The following PHF14 variants were observed in gnomAD, a reference collection of about 807,000 sequenced individuals.
PHF14 encodes PHD finger protein 14.
A neutral mutation model predicts 117.9 loss-of-function variants in PHF14; 55 were observed. That is an observed-to-expected ratio of 0.47 (90% CI 0.38 to 0.58). PHF14 has a LOEUF of 0.58. PHF14 is among the 20% of genes least tolerant of loss of function. The pLI is 0.00. For missense variants in PHF14, 978 were observed against 1,122.2 expected, an observed-to-expected ratio of 0.87 and a Z score of 1.84; for synonymous variants, 409 against 368.6, an observed-to-expected ratio of 1.11 and a Z score of -1.26.
intron 4 of PHF14, among the ~76,000 whole-genome samples, chr7:11,010,386 G>T (rs1482754540): frequency 2.6e-5 from 4 of 151,940 alleles, no homozygotes; most frequent in African/African-American, 4.8e-5. Context: ...TGACATTAAA[G>T]AAATTAATGA....
chr7:11,063,260 A>G (rs902885085), intron 16 of PHF14: 1 of 984,810 alleles, frequency 1.0e-6, no homozygotes, highest in African/African-American at 1.7e-5. Context: ...AGCTATCCTG[A>G]AGGTTAAGTT....
intron 17 of PHF14, among the ~76,000 whole-genome samples, chr7:11,156,663 C>G (rs1788864594): frequency 6.6e-6 from 1 of 152,046 alleles, no homozygotes; most frequent in South Asian, 2.1e-4. Flanking sequence ...GGTGTAGTGG[C>G]AGGCGCCTGT....
chr7:11,052,260 A>G (rs1199305349), intron 14 of PHF14, among the ~76,000 whole-genome samples: 1 of 152,208 alleles, frequency 6.6e-6, no homozygotes. Flanking sequence ...TGGTAATTTG[A>G]TATTTTGACC....
intron 7 of PHF14, among the ~76,000 whole-genome samples, chr7:11,033,020 G>A (rs958577905): frequency 3.3e-5 from 5 of 152,176 alleles, no homozygotes; most frequent in Non-Finnish European, 7.3e-5. Flanking sequence ...ACCTCATGTG[G>A]TAGTGGTGAA....
Position 11,061,852 on chromosome 7 carries a change from GT to G in PHF14, c.2532+13del. ...GAAGAAAAACATGAGGTTGGAATAAGTTAAGCACTTTTACACAGTCTTAACT... is the reference window on the plus strand; with the variant it reads ...GAAGAAAAACATGAGGTTGGAATAAGTAAGCACTTTTACACAGTCTTAACT... On this transcript the variant is annotated intron_variant, in intron 15 of 17. Coordinates refer to ENST00000634607, the MANE Select transcript of PHF14 (RefSeq NM_001007157.2). The G allele has an allele frequency of 2.0e-6, 3 of 1,533,640 alleles. No homozygotes were observed. The highest frequency in any genetic ancestry group is 2.6e-6 in the Non-Finnish European group (3 of 1,139,910).
intron 17 of PHF14, among the ~76,000 whole-genome samples, chr7:11,114,494 A>AT (rs1209295381): frequency 6.6e-6 from 1 of 152,068 alleles, no homozygotes; most frequent in Non-Finnish European, 1.5e-5. Context: ...TGAATTCATA[A>AT]TTTTTTGTTT....
At chr7:11,058,538 C>T (rs895454114) in intron 14 of PHF14, among the ~76,000 whole-genome samples, 2 of 152,044 alleles carry the variant, frequency 1.3e-5, no homozygotes, top group African/African-American at 4.8e-5. Context: ...AATAAGAGTG[C>T]TGTAATTACT....
rs71023888 is a variant in PHF14, at chr7:11,089,761, C to CTTT, written c.2655-21565_2655-21563dup. Among the ~76,000 whole-genome samples, 38 of 97,886 alleles carry CTTT rather than the reference C, an allele frequency of 3.9e-4. 2 individuals are homozygous for CTTT. The highest frequency in any genetic ancestry group is 6.7e-4 in the Non-Finnish European group (33 of 49,484). 64.2% of individuals were successfully genotyped at this position (97,886 alleles called of 152,430 possible). On this transcript the variant is annotated intron_variant, in intron 16 of 17. Coordinates refer to ENST00000634607, the MANE Select transcript of PHF14 (RefSeq NM_001007157.2). Reference sequence around the variant, plus strand: ...TTTAGTGTAGAATTGTTCATGCATTCTTTTTTTTTTTTTTTTTTTTTTTTT... The same window carrying CTTT: ...TTTAGTGTAGAATTGTTCATGCATTCTTTTTTTTTTTTTTTTTTTTTTTTTTTT...
chr7:11,107,350 C>A, intron 16 of PHF14: 1 of 913,064 alleles, frequency 1.1e-6, no homozygotes, highest in Non-Finnish European at 1.3e-6. Context: ...TACATATAGA[C>A]TGTGTTTATT....
intron 13 of PHF14, among the ~76,000 whole-genome samples, chr7:11,044,786 A>C (rs1784613148): frequency 6.6e-6 from 1 of 152,168 alleles, no homozygotes; most frequent in Non-Finnish European, 1.5e-5. Flanking sequence ...GGTAGAAAAA[A>C]AATGATAAAC....
chr7:10,974,853 G>C lies in PHF14; in HGVS notation c.20G>C (p.Arg7Thr). MDRSSK[R>T]RQVKPLAASL... ...TTCACAGTGGATCGCAGCTCCAAGA[G>C]GAGGCAGGTGAAGCCTTTGGCAGCT... Residue 7 changes from arginine (R) to threonine (T), a missense_variant, in exon 2 of 18, where the codon AGG (arginine) becomes ACG (threonine). By Grantham distance (71) the Arg-to-Thr change is moderately conservative. Around this residue, in one of 7 missense-constraint regions of PHF14, gnomAD observed 414 missense variants for 376.4 expected, o/e 1.10. Coordinates refer to ENST00000634607, the MANE Select transcript of PHF14 (RefSeq NM_001007157.2). 6.3e-7 allele frequency: 1 copy of C among 1,579,854 alleles called. No homozygotes were observed. The highest frequency in any genetic ancestry group is 1.2e-5 in the South Asian group (1 of 86,346).
intron 13 of PHF14, among the ~76,000 whole-genome samples, chr7:11,048,390 G>T (rs1182771308): frequency 6.6e-6 from 1 of 152,068 alleles, no homozygotes; most frequent in Non-Finnish European, 1.5e-5. Flanking sequence ...TGGCCAACAT[G>T]GTGAAACCCC....
rs528565667 is a variant in PHF14 at position 11,035,960 on chromosome 7, C to T, written c.1602+174C>T. ...GTATAATTTTTGGCTGAATACAGTA[C>T]TCCTCATTTAGTCAAACAGAGCAGT... On this transcript the variant is annotated intron_variant, in intron 8 of 17. Coordinates refer to ENST00000634607, the MANE Select transcript of PHF14 (RefSeq NM_001007157.2). 2.6e-5 allele frequency among the ~76,000 whole-genome samples: 4 copies of T among 152,188 alleles called. 1 individual carries two copies. In the South Asian group the frequency reaches 6.2e-4, roughly 24 times the overall value.
At chr7:11,030,984 G>T (rs1001917652) in intron 7 of PHF14, among the ~76,000 whole-genome samples, 40 of 152,138 alleles carry the variant, frequency 2.6e-4, no homozygotes, top group African/African-American at 9.4e-4. Context: ...TCTATTTCTA[G>T]ATGGTTGTAC....
chr7:11,121,535 A>T (rs1787752846), intron 17 of PHF14, among the ~76,000 whole-genome samples: 1 of 152,072 alleles, frequency 6.6e-6, no homozygotes, highest in Admixed American at 6.6e-5. Context: ...TTTCCTAGAC[A>T]TGTCTTTTCA....
At chr7:11,146,654 T>A (rs1442441411) in intron 17 of PHF14, among the ~76,000 whole-genome samples, 1 of 152,206 alleles carries the variant, frequency 6.6e-6, no homozygotes, top group Non-Finnish European at 1.5e-5. Flanking sequence ...TGTACATTTT[T>A]ACAAAAGCAT....
chr7:11,146,318 C>T (rs1788547521), intron 17 of PHF14, among the ~76,000 whole-genome samples: 1 of 152,060 alleles, frequency 6.6e-6, no homozygotes, highest in African/African-American at 2.4e-5. Context: ...ATTTCTTTTT[C>T]AATATTTTCA....
At chr7:10,980,737 G>A (rs1046507565) in intron 2 of PHF14, among the ~76,000 whole-genome samples, 4 of 152,078 alleles carry the variant, frequency 2.6e-5, no homozygotes, top group African/African-American at 7.2e-5. Context: ...ACTTTTCTCC[G>A]CAGAAATAAT....
chr7:11,131,777 A>G (rs1788097126), intron 17 of PHF14, among the ~76,000 whole-genome samples: 1 of 151,754 alleles, frequency 6.6e-6, no homozygotes, highest in Non-Finnish European at 1.5e-5. Context: ...TCTGTGATTC[A>G]TTGTGAGTTA....
Sources: allele counts gnomAD v4.1 joint callset (sites outside exome capture counted in the v4.1 genomes callset), GRCh38; gene constraint gnomAD v4.1.1; regional missense constraint gnomAD v4.1.1; transcripts MANE v1.5; gene names NCBI Gene and HGNC (gene_info 2026-07-23, HGNC 2026-07-21).